MALRD1: variants seen among roughly 807,000 people sequenced by gnomAD.
MALRD1 encodes MAM and LDL receptor class A domain containing 1.
MALRD1 carries 247 observed loss-of-function variants against 242.1 expected under a neutral mutation model. The observed-to-expected ratio is 1.02, with a 90% CI of 0.92 to 1.13. The LOEUF is 1.13. Among genes scored for constraint, MALRD1 ranks in the 50% most tolerant of loss-of-function variants. MALRD1 has a pLI of 0.00. For synonymous variants in MALRD1, 995 were observed against 866.6 expected (o/e 1.15, Z -2.60); for missense variants, 2,989 against 2,533.1 (o/e 1.18, Z -3.86).
Position 19,280,101 on chromosome 10 carries a change from T to A in MALRD1, c.3134T>A (p.Leu1045Ter). The A allele has an allele frequency of 6.5e-7, 1 of 1,537,606 alleles. No homozygotes were observed. Among genetic ancestry groups the A allele is most frequent in the East Asian group, 2.5e-5 (1 of 40,274 alleles). Residue 1045 changes from leucine to a stop codon, truncating the protein, a stop_gained, in exon 20 of 40, where the codon TTA becomes TAA. Transcript: ENST00000454679. LOFTEE classifies it high-confidence loss of function. The stretch of plus-strand genomic sequence containing the variant: ...CCAGAAACGTCAGTTCCTGTAACAT[T>A]ACCTCCACACAACTGCACAGACAAT... ...TPPETSVPVTLPPHNCTDNEF... is the reference protein window; with the variant it reads ...TPPETSVPVT
chr10:19,587,304 T>A lies in MALRD1; in HGVS notation c.5681-7890T>A, dbSNP rs190395953. On this transcript the variant is annotated intron_variant, in intron 33 of 39. Coordinates refer to ENST00000454679, the MANE Select transcript of MALRD1 (RefSeq NM_001142308.3). ...TACTAAAATGCCTGCCAGAGACAGT[T>A]ACCCATTTGTAACAGGTGCATTATA... Among the ~76,000 whole-genome samples, 391 of 152,358 alleles carry A rather than the reference T, an allele frequency of 2.6e-3. 1 individual carries two copies. The highest frequency in any genetic ancestry group is 9.5e-3 in the East Asian group (49 of 5,184).
chr10:19,515,824 T>C (rs1833602929), intron 31 of MALRD1, among the ~76,000 whole-genome samples: 1 of 152,166 alleles, frequency 6.6e-6, no homozygotes, highest in African/African-American at 2.4e-5. Context: ...TGCCTTGGCC[T>C]CCCAAAGAGC....
chr10:19,209,327 G>C lies in MALRD1; in HGVS notation c.2638G>C (p.Asp880His). 9 of 1,549,936 alleles carry C rather than the reference G, an allele frequency of 5.8e-6. No homozygotes were observed. Among genetic ancestry groups the C allele is most frequent in the Non-Finnish European group, 7.8e-6 (9 of 1,146,746 alleles). ...CTGTAACTGGGAACAAGATGCAAAA[G>C]ATGACTTTGATTGGACCAGGAGCCA... ...GICNWEQDAK[D>H]DFDWTRSQGP... The change falls in exon 18 of 40, where the codon GAT becomes CAT. Residue 880 changes from aspartate (D) to histidine (H), a missense_variant. Transcript: ENST00000454679.
At chr10:19,570,036 T>C (rs1341483854) in intron 33 of MALRD1, among the ~76,000 whole-genome samples, 4 of 151,880 alleles carry the variant, frequency 2.6e-5, no homozygotes, top group Non-Finnish European at 5.9e-5. Flanking sequence ...TTCACTAAAG[T>C]ATAAAGGTTC....
rs1184030544 is a variant in MALRD1, at chr10:19,583,708, G to A, written c.5681-11486G>A. ...CTCTTTTTTGGTTGTGTCTCTGCCC[G>A]GCTTTGGTATCAGGATGATGCTGGC... On this transcript the variant is annotated intron_variant, in intron 33 of 39. Transcript: ENST00000454679. Among the ~76,000 whole-genome samples, 13 of 151,908 alleles carry A rather than the reference G, an allele frequency of 8.6e-5. No individual in the cohort carries two copies. In the South Asian group the frequency reaches 1.0e-3, roughly 12 times the overall value.
chr10:19,561,594 A>T (rs913043419), intron 32 of MALRD1, among the ~76,000 whole-genome samples: 1 of 152,220 alleles, frequency 6.6e-6, no homozygotes, highest in Non-Finnish European at 1.5e-5. Flanking sequence ...GGCTGCTATA[A>T]CAATGCCTTT....
At chr10:19,395,250 C>T (rs1846525820) in intron 28 of MALRD1, among the ~76,000 whole-genome samples, 1 of 152,276 alleles carries the variant, frequency 6.6e-6, no homozygotes, top group South Asian at 2.1e-4. Context: ...AGGACGTGTG[C>T]CCATGACACA....
intron 28 of MALRD1, among the ~76,000 whole-genome samples, chr10:19,417,690 C>A (rs1833563434): frequency 6.6e-6 from 1 of 152,124 alleles, no homozygotes; most frequent in Non-Finnish European, 1.5e-5. Flanking sequence ...TATTGAGGGT[C>A]ACATCAGCAT....
At position 19,719,241 on chromosome 10, in the gene MALRD1, T is replaced by TAC. The variant is rs1564567510; in HGVS notation, c.6315-11464_6315-11463insCA. 1.2e-3 allele frequency among the ~76,000 whole-genome samples: 143 copies of TAC among 122,738 alleles called. 8 individuals carry two copies. Among genetic ancestry groups the TAC allele is most frequent in the African/African-American group, 3.4e-3 (109 of 31,862 alleles). 80.5% of individuals were successfully genotyped at this position (122,738 alleles called of 152,430 possible). A position where few individuals can be genotyped will look rare whatever the true frequency, so the allele number is the denominator to read the frequency against. On this transcript the variant is annotated intron_variant, in intron 38 of 39. Transcript: ENST00000454679. ...ATACATACATATATATATATATATATATATATATATATATATATGCTATCA... is the reference window on the plus strand; with the variant it reads ...ATACATACATATATATATATATATATACATATATATATATATATATGCTATCA...
intron 21 of MALRD1, among the ~76,000 whole-genome samples, chr10:19,309,739 G>A (rs1241085408): frequency 6.7e-6 from 1 of 149,952 alleles, no homozygotes; most frequent in Non-Finnish European, 1.5e-5. Context: ...CTGTACAGTG[G>A]TGTTAAGTAA....
rs1414946672 is a variant in MALRD1 at position 19,347,936 on chromosome 10, T to A, written c.4067T>A (p.Ile1356Lys). The change falls in exon 25 of 40, where the codon ATA becomes AAA. Residue 1356 changes from isoleucine to lysine, a missense_variant. Coordinates refer to ENST00000454679, the MANE Select transcript of MALRD1 (RefSeq NM_001142308.3). Reference sequence around the variant, plus strand: ...AATTCATCTGGTCATTACATCTTTATAAAGAGTTTGTTTCCTCAGCAGCCC... The same window carrying A: ...AATTCATCTGGTCATTACATCTTTAAAAAGAGTTTGTTTCCTCAGCAGCCC... Reference protein sequence around the residue: ...LGNSSGHYIFIKSLFPQQPMR... With the variant: ...LGNSSGHYIFKKSLFPQQPMR... 4 of 1,550,246 alleles carry A rather than the reference T, an allele frequency of 2.6e-6. No individual in the cohort carries two copies. In the South Asian group the frequency reaches 4.8e-5, roughly 18 times the overall value.
chr10:19,516,353 A>C (rs558900023), intron 31 of MALRD1, among the ~76,000 whole-genome samples: 1 of 152,344 alleles, frequency 6.6e-6, no homozygotes, highest in East Asian at 1.9e-4. Flanking sequence ...GTAAGCTGGT[A>C]GAAAAATACC....
rs527612821 is a variant in MALRD1, at chr10:19,346,246, T to C, written c.3902-1525T>C. ...GATTTGATGCCAAGTGCAATAGAAC[T>C]TGGACATTCTTAAAGAGTCATATGT... On this transcript the variant is annotated intron_variant, in intron 24 of 39. Coordinates refer to ENST00000454679, the MANE Select transcript of MALRD1 (RefSeq NM_001142308.3). Among the ~76,000 whole-genome samples the C allele has an allele frequency of 2.6e-5, 4 of 152,318 alleles. No individual in the cohort carries two copies. The South Asian group carries it at 8.3e-4, about 32-fold the overall frequency.
intron 29 of MALRD1, chr10:19,491,208 T>A: frequency 1.7e-6 from 1 of 574,966 alleles, no homozygotes. Flanking sequence ...AGGCTGCACA[T>A]ACCCTTTACC....
intron 21 of MALRD1, among the ~76,000 whole-genome samples, chr10:19,302,715 C>T (rs948775862): frequency 4.0e-5 from 6 of 151,594 alleles, no homozygotes; most frequent in South Asian, 2.1e-4. Flanking sequence ...AAATTCTCTA[C>T]GTTGTATACT....
intron 38 of MALRD1, among the ~76,000 whole-genome samples, chr10:19,699,566 A>G (rs1016550581): frequency 6.6e-6 from 1 of 152,084 alleles, no homozygotes; most frequent in African/African-American, 2.4e-5. Flanking sequence ...GTATTGGGCT[A>G]TTGTTGCATT....
chr10:19,567,431 A>C, intron 32 of MALRD1, 71 bp from the exon 33 acceptor site: 3 of 1,287,442 alleles, frequency 2.3e-6, no homozygotes, highest in Non-Finnish European at 3.3e-6. Flanking sequence ...TCATTCTTTC[A>C]TCAATCATCT....
chr10:19,226,035 A>T (rs960484042), intron 18 of MALRD1, among the ~76,000 whole-genome samples: 3 of 152,186 alleles, frequency 2.0e-5, no homozygotes, highest in Non-Finnish European at 4.4e-5. Flanking sequence ...AATATCAGAA[A>T]CAAATACAGA....
chr10:19,374,426 A>T (rs1588983548), intron 26 of MALRD1, among the ~76,000 whole-genome samples: 2 of 152,348 alleles, frequency 1.3e-5, no homozygotes, highest in African/African-American at 4.8e-5. Flanking sequence ...GCCCAGTAGC[A>T]TAATTACTAT....
Sources: gnomAD v4.1 joint callset for allele counts (sites outside exome capture counted in the v4.1 genomes callset) on GRCh38, gnomAD v4.1.1 for gene constraint, MANE v1.5 for transcripts, NCBI Gene and HGNC (gene_info 2026-07-23, HGNC 2026-07-21) for gene names.